TRPV1: variants seen among roughly 807,000 people sequenced by gnomAD.
TRPV1 encodes the protein transient receptor potential cation channel subfamily V member 1.
TRPV1 carries 82 observed loss-of-function variants against 82.3 expected under a neutral mutation model. The observed-to-expected ratio is 1.00, with a 90% CI of 0.83 to 1.20. The LOEUF (loss-of-function observed/expected upper bound fraction) is 1.20. Among genes scored for constraint, TRPV1 ranks in the 50% most tolerant of loss-of-function variants. The pLI, the probability that TRPV1 is intolerant of heterozygous loss-of-function variation, is 0.00. For synonymous variants in TRPV1, 515 were observed against 467.7 expected, an observed-to-expected ratio of 1.10 and a Z score of -1.30; for missense variants, 1,067 against 1,096.8, an observed-to-expected ratio of 0.97 and a Z score of 0.38.
In TRPV1 at chr17:3,573,539, C is replaced by CA. The variant is rs1555548994; in HGVS notation, c.2103+93_2103+94insT. On this transcript the variant is annotated intron_variant, in intron 14 of 16. Coordinates refer to ENST00000572705, the MANE Select transcript of TRPV1 (RefSeq NM_080704.4). ...CCCTCCTGGCCACACACCGCCCCCA[C>CA]CACCCACCCACCTGCAGCCAGCTGT... is the stretch of plus-strand genomic sequence containing the variant. The CA allele has an allele frequency of 1.5e-5, 2 of 137,296 alleles. 1 individual carries two copies. The allele number at this position is 137,296 out of a possible 1,614,324, so 8.5% of individuals were successfully genotyped here.
At position 3,571,435 on chromosome 17, in the gene TRPV1, G is replaced by A. The variant is rs142345901; in HGVS notation, c.2347+89C>T. On this transcript the variant is annotated intron_variant, in intron 16 of 16. Coordinates refer to ENST00000572705, the MANE Select transcript of TRPV1 (RefSeq NM_080704.4). ...CGGGTCCTGGGGGGATGAGGAACCC[G>A]GCAAGGCGTGGGGAACCTGCAAAGC... The A allele has an allele frequency of 3.4e-4, 362 of 1,066,510 alleles. 3 individuals carry two copies. The East Asian group carries it at 7.8e-3, about 23-fold the overall frequency. 66.1% of individuals were successfully genotyped at this position (1,066,510 alleles called of 1,614,324 possible).
In TRPV1 at chr17:3,566,814, C is replaced by T; in HGVS notation, c.*1G>A. The T allele has an allele frequency of 6.2e-7, 1 of 1,613,472 alleles. No homozygotes were observed. The highest frequency in any genetic ancestry group is 8.5e-7 in the Non-Finnish European group (1 of 1,179,706). ...TTGACAGTGCTGTCTGCGTGACGTC[C>T]TCACTTCTCCCCGGAAGCGGCAGGA... On this transcript the variant is annotated 3_prime_UTR_variant, in exon 17 of 17. Transcript: ENST00000572705.
Position 3,571,627 on chromosome 17 carries a change from C to T in TRPV1, c.2244G>A (p.Val748=), listed in dbSNP as rs1159660800. The part of the protein sequence containing the change: ...DYRWCFRVDE[V]NWTTWNTNVG... ...CGTTGGTGTTCCAGGTGGTCCAGTTCACCTCGTCCACCCTGCAGGGTAAGG... is the reference window on the plus strand; with the variant it reads ...CGTTGGTGTTCCAGGTGGTCCAGTTTACCTCGTCCACCCTGCAGGGTAAGG... Residue 748 remains valine, a synonymous_variant, in exon 16 of 17, where the codon GTG becomes GTA. Coordinates refer to ENST00000572705, the MANE Select transcript of TRPV1 (RefSeq NM_080704.4). 1 of 1,609,934 alleles carries T rather than the reference C, an allele frequency of 6.2e-7. No homozygotes were observed. Among genetic ancestry groups the T allele is most frequent in the Non-Finnish European group, 8.5e-7 (1 of 1,178,218 alleles).
chr17:3,598,890 G>A (rs2075241782), intron 2 of TRPV1, among the ~76,000 whole-genome samples: 1 of 151,200 alleles, frequency 6.6e-6, no homozygotes, highest in African/African-American at 2.4e-5. Flanking sequence ...TTTATGCTAT[G>A]TGTGTCATGT....
At chr17:3,578,908 A>C (rs1022184054) in intron 11 of TRPV1, 1 of 152,216 alleles carries the variant, frequency 6.6e-6, no homozygotes, top group Non-Finnish European at 1.5e-5. Flanking sequence ...CATTATCCTA[A>C]GCAAATTAAC....
chr17:3,574,830 G>A (rs2074907971), intron 13 of TRPV1, among the ~76,000 whole-genome samples: 1 of 151,026 alleles, frequency 6.6e-6, no homozygotes, highest in Non-Finnish European at 1.5e-5. Context: ...GGGAGGCTGA[G>A]GCAGGAGAAT....
intron 2 of TRPV1, among the ~76,000 whole-genome samples, chr17:3,607,244 T>C (rs1183277921): frequency 1.3e-5 from 2 of 151,948 alleles, no homozygotes; most frequent in East Asian, 3.9e-4. Flanking sequence ...CTCGGGAGGC[T>C]GAGGTACAAG....
chr17:3,594,330 T>C (rs574483453), intron 2 of TRPV1, among the ~76,000 whole-genome samples: 4 of 151,778 alleles, frequency 2.6e-5, no homozygotes, highest in Non-Finnish European at 4.4e-5. Context: ...TTTTCTTTTT[T>C]TTTTTTTTTG....
intron 11 of TRPV1, chr17:3,578,813 G>A (rs550561541): frequency 6.6e-6 from 1 of 152,100 alleles, no homozygotes; most frequent in African/African-American, 2.4e-5. Flanking sequence ...ATCAAAAAGT[G>A]GTACGTATAT....
At chr17:3,570,284 C>T (rs527379224) in intron 16 of TRPV1, among the ~76,000 whole-genome samples, 172 of 151,632 alleles carry the variant, frequency 1.1e-3, no homozygotes, top group African/African-American at 4.1e-3. Flanking sequence ...GCAGGAGAAT[C>T]GCTTGAACCC....
intron 2 of TRPV1, among the ~76,000 whole-genome samples, chr17:3,605,174 A>G (rs374289055): frequency 1.3e-5 from 2 of 152,066 alleles, no homozygotes; most frequent in African/African-American, 4.8e-5. Context: ...TTGTTTATCT[A>G]TCTCTCCATG....
chr17:3,590,029 C>A lies in TRPV1; in HGVS notation c.822G>T (p.Gln274His). 1 of 1,576,468 alleles carries A rather than the reference C, an allele frequency of 6.3e-7. No individual in the cohort carries two copies. The change falls in exon 7 of 17, where the codon CAG becomes CAT. Residue 274 changes from glutamine (Q) to histidine (H), a missense_variant. Physicochemically the swap from Gln to His is conservative, Grantham distance 24. Coordinates refer to ENST00000572705, the MANE Select transcript of TRPV1 (RefSeq NM_080704.4). ...AGTCCCTGGCGCTGATGTCGGCCGT[C>A]TGCCAGGAGTTCTGCAGCAGGAACT... The part of the protein sequence containing the change: ...IVKFLLQNSW[Q>H]TADISARDSV...
At chr17:3,583,481 A>G in intron 9 of TRPV1, 51 bp from the exon 10 acceptor site, 2 of 1,401,038 alleles carry the variant, frequency 1.4e-6, no homozygotes, top group Non-Finnish European at 2.0e-6. Flanking sequence ...CGTTCATTCA[A>G]CAAACATGGA....
rs1394265693 is a variant in TRPV1 at position 3,594,520 on chromosome 17, C to T, written c.-33-2137G>A. ...ACACAGAGGCAGCCTCACCACTCCG[C>T]AGGCTGTGAACAGGACGGACGGCTG... On this transcript the variant is annotated intron_variant, in intron 2 of 16. Transcript: ENST00000572705. Among the ~76,000 whole-genome samples, 3 of 152,320 alleles carry T rather than the reference C, an allele frequency of 2.0e-5. No homozygotes were observed. In the East Asian group the frequency reaches 5.8e-4, roughly 29 times the overall value.
Position 3,580,666 on chromosome 17 carries a change from C to T in TRPV1, c.1477-139G>A, listed in dbSNP as rs899230582. 10 of 898,730 alleles carry T rather than the reference C, an allele frequency of 1.1e-5. No homozygotes were observed. The African/African-American group carries it at 1.3e-4, about 12-fold the overall frequency. 55.7% of individuals were successfully genotyped at this position (898,730 alleles called of 1,614,324 possible). A position where few individuals can be genotyped will look rare whatever the true frequency, so the allele number is the denominator to read the frequency against. ...ACAGATTGTGAAAAGAGCAGAACAG[C>T]AAGGGTCAGGCCAATGGGGTGACAC... On this transcript the variant is annotated intron_variant, in intron 10 of 16. Transcript: ENST00000572705.
Position 3,609,350 on chromosome 17 carries a change from A to AGAGAGAGAGAGAGAGAGAGAGAG in TRPV1, c.-215_-214insCTCTCTCTCTCTCTCTCTCTCTC, listed in dbSNP as rs2075322326. 6.7e-6 allele frequency: 1 copy of AGAGAGAGAGAGAGAGAGAGAGAG among 148,736 alleles called. No homozygotes were observed. The highest frequency in any genetic ancestry group is 2.5e-5 in the African/African-American group (1 of 40,714). The allele number at this position is 148,736 out of a possible 1,614,324, so 9.2% of individuals were successfully genotyped here. A position where few individuals can be genotyped will look rare whatever the true frequency, so the allele number is the denominator to read the frequency against. On this transcript the variant is annotated 5_prime_UTR_variant, in exon 1 of 17. Coordinates refer to ENST00000572705, the MANE Select transcript of TRPV1 (RefSeq NM_080704.4). ...GAGAGAGAGAGAGAGAGAGAGAGAG[A>AGAGAGAGAGAGAGAGAGAGAGAG]ATACGACTGCTTCCCAAACTCGTGG...
chr17:3,586,014 T>C (rs2075081218), intron 8 of TRPV1, 88 bp from the exon 9 acceptor site: 2 of 1,529,922 alleles, frequency 1.3e-6, no homozygotes, highest in Admixed American at 1.8e-5. Context: ...CTCACAGCCA[T>C]GTGGCCCGCA....
chr17:3,607,163 G>A (rs2075301054), intron 2 of TRPV1, among the ~76,000 whole-genome samples: 1 of 152,080 alleles, frequency 6.6e-6, no homozygotes, highest in Non-Finnish European at 1.5e-5. Flanking sequence ...GGCCAACATG[G>A]TGAAACCCCA....
At chr17:3,600,446 G>A (rs1024524937) in intron 2 of TRPV1, among the ~76,000 whole-genome samples, 1 of 152,124 alleles carries the variant, frequency 6.6e-6, no homozygotes, top group Non-Finnish European at 1.5e-5. Flanking sequence ...AAAATTAGCT[G>A]GGCGTGGTGG....
Sources: allele counts gnomAD v4.1 joint callset (sites outside exome capture counted in the v4.1 genomes callset), GRCh38; gene constraint gnomAD v4.1.1; transcripts MANE v1.5; gene names NCBI Gene and HGNC (gene_info 2026-07-23, HGNC 2026-07-21).